Variants in UBAP2L observed in about 807,000 individuals in gnomAD.
The protein encoded by UBAP2L is ubiquitin-associated protein 2-like.
UBAP2L carries 12 observed loss-of-function variants against 130.6 expected under a neutral mutation model. That is an observed-to-expected ratio of 0.09 (90% CI 0.06 to 0.15). The LOEUF (loss-of-function observed/expected upper bound fraction) is 0.15. Ranked by LOEUF, UBAP2L falls within the 10% of genes least tolerant of loss-of-function variation. The pLI is 1.00. For synonymous variants in UBAP2L, 503 were observed against 524.7 expected (o/e 0.96, Z 0.57); for missense variants, 965 against 1,332.5 (o/e 0.72, Z 4.29).
At position 154,253,927 on chromosome 1, in the gene UBAP2L, C is replaced by T. The variant is rs1423662082; in HGVS notation, c.1692C>T (p.Asn564=). ...ASESSSTISS[N]QSQESGYQSG... is the part of the protein sequence containing the mutation. ...AATCATCCTCTACAATTTCATCTAA[C>T]CAGAGTCAGGAGTCTGGTTATCAGA... is the stretch of plus-strand genomic sequence containing the variant. The change falls in exon 15 of 27, where the codon AAC becomes AAT. Residue 564 remains asparagine, a synonymous_variant. Coordinates refer to ENST00000428931, the MANE Select transcript of UBAP2L (RefSeq NM_014847.4). 12 of 1,614,086 alleles carry T rather than the reference C, an allele frequency of 7.4e-6. No individual in the cohort carries two copies. The highest frequency in any genetic ancestry group is 9.3e-6 in the Non-Finnish European group (11 of 1,180,022).
At chr1:154,240,393 G>A (rs1459312852) in intron 8 of UBAP2L, among the ~76,000 whole-genome samples, 1 of 152,038 alleles carries the variant, frequency 6.6e-6, no homozygotes, top group Non-Finnish European at 1.5e-5. Context: ...GATTTCTCCA[G>A]TAGAAACTGT....
At chr1:154,241,760 C>T in intron 9 of UBAP2L, 195 bp downstream of exon 9, 1 of 985,378 alleles carries the variant, frequency 1.0e-6, no homozygotes, top group Non-Finnish European at 1.2e-6. Flanking sequence ...GAACAGGACT[C>T]TGTGGAACCA....
intron 3 of UBAP2L, among the ~76,000 whole-genome samples, chr1:154,227,700 C>T (rs1668444369): frequency 6.6e-6 from 1 of 151,920 alleles, no homozygotes; most frequent in Non-Finnish European, 1.5e-5. Context: ...GCGCTCACCA[C>T]CATGCCTGGC....
chr1:154,220,270 G>T, upstream of UBAP2L: 1 of 1,551,552 alleles, frequency 6.4e-7, no homozygotes, highest in Non-Finnish European at 8.9e-7. Context: ...ATGCAGACGG[G>T]GTACAGCTCA....
intron 8 of UBAP2L, among the ~76,000 whole-genome samples, chr1:154,239,738 C>G (rs1431324889): frequency 1.3e-5 from 2 of 152,180 alleles, no homozygotes; most frequent in Non-Finnish European, 2.9e-5. Flanking sequence ...CCTGTTAGAT[C>G]ATGTCTAACT....
chr1:154,232,414 C>T (rs761325565), intron 4 of UBAP2L, among the ~76,000 whole-genome samples: 15 of 151,734 alleles, frequency 9.9e-5, no homozygotes, highest in Admixed American at 7.2e-4. Flanking sequence ...ATGTGTAAAT[C>T]AAGGTATGCA....
chr1:154,240,934 G>GA (rs1270183504), intron 8 of UBAP2L, among the ~76,000 whole-genome samples: 1 of 126,780 alleles, frequency 7.9e-6, no homozygotes. Flanking sequence ...TTGTCTGTCT[G>GA]TCCCCCCCCC....
chr1:154,220,427 G>A (rs755982410), upstream of UBAP2L: 22 of 1,614,178 alleles, frequency 1.4e-5, no homozygotes, highest in Non-Finnish European at 1.9e-5. Flanking sequence ...ACCTCGCGCA[G>A]AATTGTTCGG....
intron 26 of UBAP2L, 31 bp from the exon 27 acceptor site, chr1:154,270,169 T>A: frequency 6.4e-7 from 1 of 1,551,924 alleles, no homozygotes; most frequent in African/African-American, 1.4e-5. Context: ...GACACCTTTT[T>A]CCTCCTCATG....
chr1:154,237,736 A>G (rs1303618793), intron 8 of UBAP2L, among the ~76,000 whole-genome samples: 1 of 152,180 alleles, frequency 6.6e-6, no homozygotes, highest in Non-Finnish European at 1.5e-5. Flanking sequence ...TGCCCTGTTG[A>G]ACAGCCTTCT....
chr1:154,221,051 C>T (rs1390200581), intron 1 of UBAP2L, 76 bp downstream of exon 1: 8 of 192,080 alleles, frequency 4.2e-5, no homozygotes, highest in African/African-American at 1.4e-4. Context: ...GTATTGTCCG[C>T]GGCCCCTTTA....
At chr1:154,237,779 A>T (rs962938729) in intron 8 of UBAP2L, among the ~76,000 whole-genome samples, 1 of 152,080 alleles carries the variant, frequency 6.6e-6, no homozygotes, top group Non-Finnish European at 1.5e-5. Context: ...TTTGAATAAG[A>T]TTACTTTTTT....
At chr1:154,245,008 T>G (rs1674913228) in intron 10 of UBAP2L, among the ~76,000 whole-genome samples, 1 of 152,114 alleles carries the variant, frequency 6.6e-6, no homozygotes, top group Admixed American at 6.5e-5. Flanking sequence ...CTTGGCTCAC[T>G]GCAACCTCCG....
In UBAP2L at chr1:154,259,134, A is replaced by C. The variant is rs1218529187; in HGVS notation, c.2496+104A>C. On this transcript the variant is annotated intron_variant, in intron 21 of 26. Transcript: ENST00000428931. Reference sequence around the variant, plus strand: ...TAGCTCTTTCCCATCCCAGCCCTCCATACACTCTGATTTAAGGCATATTAG... The same window carrying C: ...TAGCTCTTTCCCATCCCAGCCCTCCCTACACTCTGATTTAAGGCATATTAG... 15 of 1,013,244 alleles carry C rather than the reference A, an allele frequency of 1.5e-5. No homozygotes were observed. In the Admixed American group the frequency reaches 2.8e-4, roughly 19 times the overall value. 62.8% of individuals were successfully genotyped at this position (1,013,244 alleles called of 1,614,324 possible). A position where few individuals can be genotyped will look rare whatever the true frequency, so the allele number is the denominator to read the frequency against.
chr1:154,241,350 A>G (rs1018525180), intron 8 of UBAP2L, among the ~76,000 whole-genome samples, 163 bp from the exon 9 acceptor site: 1 of 152,180 alleles, frequency 6.6e-6, no homozygotes, highest in Non-Finnish European at 1.5e-5. Context: ...GGCCTCTCAA[A>G]GTATTAGGAT....
chr1:154,270,454 A>C lies in UBAP2L; in HGVS notation c.*159A>C. 1 of 1,525,854 alleles carries C rather than the reference A, an allele frequency of 6.6e-7. No homozygotes were observed. The highest frequency in any genetic ancestry group is 2.5e-5 in the East Asian group (1 of 40,610). The allele number at this position is 1,525,854 out of a possible 1,614,324, so 94.5% of individuals were successfully genotyped here. On this transcript the variant is annotated 3_prime_UTR_variant, in exon 27 of 27. Coordinates refer to ENST00000428931, the MANE Select transcript of UBAP2L (RefSeq NM_014847.4). ...TCAGCTTCATGTCTGTCCCATTCCT[A>C]TACCATCCCCACCCTGTTGTATGTA...
At chr1:154,242,707 T>C (rs1673974230) in intron 9 of UBAP2L, among the ~76,000 whole-genome samples, 1 of 152,146 alleles carries the variant, frequency 6.6e-6, no homozygotes, top group Admixed American at 6.5e-5. Flanking sequence ...AAAAATAACA[T>C]CTAGTTAAAA....
At position 154,255,304 on chromosome 1, in the gene UBAP2L, A is replaced by C; in HGVS notation, c.2062A>C (p.Thr688Pro). The C allele has an allele frequency of 6.2e-7, 1 of 1,614,106 alleles. No individual in the cohort carries two copies. The highest frequency in any genetic ancestry group is 1.3e-5 in the African/African-American group (1 of 75,058). The change falls in exon 17 of 27, where the codon ACT (threonine) becomes CCT (proline). Residue 688 changes from threonine to proline, a missense_variant. Around this residue, in one of 9 missense-constraint regions of UBAP2L, gnomAD observed 393 missense variants for 408.1 expected, o/e 0.96. Transcript: ENST00000428931. The stretch of plus-strand genomic sequence containing the variant: ...GAGCCACAGTGAGGAGATTCCAAAT[A>C]CTACCACCACACAACACAGCAGGTG... ...GLSHSEEIPN[T>P]TTTQHSSTLS...
chr1:154,224,016 A>G (rs1667173965), intron 1 of UBAP2L, among the ~76,000 whole-genome samples: 2 of 152,230 alleles, frequency 1.3e-5, no homozygotes, highest in Admixed American at 1.3e-4. Flanking sequence ...CATATGATTA[A>G]TGTTTTCTTT....
Sources: allele counts gnomAD v4.1 joint callset (sites outside exome capture counted in the v4.1 genomes callset), GRCh38; gene constraint gnomAD v4.1.1; regional missense constraint gnomAD v4.1.1; transcripts MANE v1.5; gene names NCBI Gene and HGNC (gene_info 2026-07-23, HGNC 2026-07-21).